KIF6: variants seen among roughly 807,000 people sequenced by gnomAD.
KIF6 encodes kinesin family member 6, also known as kinesin-like protein KIF6.
A neutral mutation model predicts 112.7 loss-of-function variants in KIF6; 106 were observed. That is an observed-to-expected ratio of 0.94 (90% CI 0.80 to 1.11). The LOEUF (loss-of-function observed/expected upper bound fraction) is 1.11, where lower values mean the gene tolerates loss of function less well. Ranked by LOEUF, KIF6 falls within the 50% of genes least tolerant of loss-of-function variation. The pLI is 0.00. For missense variants in KIF6, 929 were observed against 964.0 expected (o/e 0.96, Z 0.48); for synonymous variants, 339 against 339.9 (o/e 1.00, Z 0.03).
intron 18 of KIF6, 93 bp downstream of exon 18, chr6:39,360,302 G>T: frequency 7.0e-7 from 1 of 1,435,822 alleles, no homozygotes; most frequent in Non-Finnish European, 9.5e-7. Flanking sequence ...ATGGGGGCCT[G>T]TGGGTCAAAG....
intron 13 of KIF6, among the ~76,000 whole-genome samples, chr6:39,458,461 C>T (rs1297628019): frequency 1.6e-4 from 24 of 147,004 alleles, no homozygotes. Context: ...AAAACTGGCA[C>T]AAGACAGGGA....
At chr6:39,427,153 C>T (rs1323856348) in intron 14 of KIF6, among the ~76,000 whole-genome samples, 2 of 152,168 alleles carry the variant, frequency 1.3e-5, no homozygotes, top group Non-Finnish European at 1.5e-5. Flanking sequence ...GAATTTCACC[C>T]TAAGTCAACC....
intron 16 of KIF6, among the ~76,000 whole-genome samples, chr6:39,367,613 GACCTTA>G (rs1765666575): frequency 6.6e-6 from 1 of 152,092 alleles, no homozygotes; most frequent in Admixed American, 6.5e-5. Flanking sequence ...GTCCCAGGCT[GACCTTA>G]TCTCTGAAGT....
intron 15 of KIF6, among the ~76,000 whole-genome samples, chr6:39,413,024 A>G (rs1769604221): frequency 6.6e-6 from 1 of 152,072 alleles, no homozygotes; most frequent in Non-Finnish European, 1.5e-5. Context: ...ATGTATTAGG[A>G]ATTTAGCATG....
intron 3 of KIF6, among the ~76,000 whole-genome samples, chr6:39,710,469 GA>G (rs11371063): frequency 2.6e-4 from 37 of 140,016 alleles, no homozygotes; most frequent in African/African-American, 7.3e-4. Context: ...AAAGAAGACA[GA>G]AAAAAAAAAA....
chr6:39,340,026 C>T (rs977443533), intron 22 of KIF6, among the ~76,000 whole-genome samples: 12 of 152,252 alleles, frequency 7.9e-5, no homozygotes, highest in East Asian at 7.7e-4. Flanking sequence ...GCCTGGGCCC[C>T]GGCCTGTGTG....
chr6:39,583,521 T>G lies in KIF6; in HGVS notation c.1077+1377A>C, dbSNP rs963480949. 3.4e-5 allele frequency: 16 copies of G among 471,042 alleles called. No homozygotes were observed. The Admixed American group carries it at 3.8e-4, about 11-fold the overall frequency. 29.2% of individuals were successfully genotyped at this position (471,042 alleles called of 1,614,324 possible). ...ATAACAGACAGCCCCATTATTCCTTTGTCCTCCTTCCCCCTCTGTCCTTCC... is the reference window on the plus strand; with the variant it reads ...ATAACAGACAGCCCCATTATTCCTTGGTCCTCCTTCCCCCTCTGTCCTTCC... On this transcript the variant is annotated intron_variant, in intron 9 of 22. Transcript: ENST00000287152.
chr6:39,530,943 T>G (rs1212254320), intron 13 of KIF6, among the ~76,000 whole-genome samples: 1 of 152,196 alleles, frequency 6.6e-6, no homozygotes, highest in Non-Finnish European at 1.5e-5. Context: ...TCTTAAATAT[T>G]GTAATGAACT....
chr6:39,469,383 G>A (rs957491564), intron 13 of KIF6, among the ~76,000 whole-genome samples: 1 of 151,820 alleles, frequency 6.6e-6, no homozygotes, highest in Non-Finnish European at 1.5e-5. Flanking sequence ...TGTCACATGA[G>A]ATTTAAAAAA....
intron 3 of KIF6, among the ~76,000 whole-genome samples, chr6:39,650,933 C>T (rs1356126507): frequency 6.6e-6 from 1 of 151,122 alleles, no homozygotes. Flanking sequence ...TGTGAATTTA[C>T]AGGAAAAAAA....
chr6:39,407,367 A>C (rs990735825), intron 15 of KIF6, among the ~76,000 whole-genome samples: 1 of 152,098 alleles, frequency 6.6e-6, no homozygotes, highest in African/African-American at 2.4e-5. Flanking sequence ...ATGCCCCTTG[A>C]TGTCTTTTTG....
intron 21 of KIF6, among the ~76,000 whole-genome samples, chr6:39,344,250 T>C (rs911741249): frequency 6.6e-6 from 1 of 152,228 alleles, no homozygotes; most frequent in Non-Finnish European, 1.5e-5. Context: ...GCTGCCACCA[T>C]GTAAGACGTG....
rs61022277 is a variant in KIF6 at position 39,478,207 on chromosome 6, C to T, written c.1646-47046G>A. Among the ~76,000 whole-genome samples the T allele has an allele frequency of 6.8e-3, 1,034 of 151,930 alleles. 13 individuals carry two copies. Among genetic ancestry groups the T allele is most frequent in the African/African-American group, 0.024 (987 of 41,442 alleles). On this transcript the variant is annotated intron_variant, in intron 13 of 22. Transcript: ENST00000287152. ...ATCTGTTACCCCCCTTTCACCCTTT[C>T]CCCCAAGTCCCCAAAGTCCATTGTG...
chr6:39,620,879 C>T (rs1783778412), intron 5 of KIF6, among the ~76,000 whole-genome samples: 1 of 152,058 alleles, frequency 6.6e-6, no homozygotes, highest in Non-Finnish European at 1.5e-5. Flanking sequence ...AGCGATTCTC[C>T]TGCCTCAGTC....
At chr6:39,465,512 T>C (rs1773731857) in intron 13 of KIF6, among the ~76,000 whole-genome samples, 1 of 152,182 alleles carries the variant, frequency 6.6e-6, no homozygotes, top group Non-Finnish European at 1.5e-5. Flanking sequence ...AACACCACTG[T>C]CTTTGTTCAA....
intron 8 of KIF6, among the ~76,000 whole-genome samples, chr6:39,585,223 G>A (rs1201652156): frequency 2.0e-5 from 3 of 152,226 alleles, no homozygotes; most frequent in Non-Finnish European, 2.9e-5. Context: ...GACAGAGGGT[G>A]CAGGTGGTGT....
In KIF6 at chr6:39,723,351, A is replaced by G. The variant is rs35170313; in HGVS notation, c.66+1894T>C. 8.6e-3 allele frequency among the ~76,000 whole-genome samples: 1,315 copies of G among 152,334 alleles called. 13 individuals carry two copies. Among genetic ancestry groups the G allele is most frequent in the South Asian group, 0.027 (131 of 4,828 alleles). On this transcript the variant is annotated intron_variant, in intron 1 of 22. Transcript: ENST00000287152. ...ATGCCCACTCCATATACTCACAAATATGATCCAAATTGCCCTTGCCTAAAT... is the reference window on the plus strand; with the variant it reads ...ATGCCCACTCCATATACTCACAAATGTGATCCAAATTGCCCTTGCCTAAAT...
intron 13 of KIF6, among the ~76,000 whole-genome samples, chr6:39,537,749 G>A (rs777143808): frequency 4.1e-4 from 62 of 152,062 alleles, no homozygotes; most frequent in Admixed American, 2.6e-3. Flanking sequence ...AAAAGAGCCC[G>A]CATCACCAAG....
intron 4 of KIF6, among the ~76,000 whole-genome samples, chr6:39,638,950 T>G (rs1268013969): frequency 6.6e-6 from 1 of 151,938 alleles, no homozygotes; most frequent in Non-Finnish European, 1.5e-5. Context: ...AGACATCAGG[T>G]GGACTTGGGA....
Sources: allele counts gnomAD v4.1 joint callset (sites outside exome capture counted in the v4.1 genomes callset), GRCh38; gene constraint gnomAD v4.1.1; transcripts MANE v1.5; gene names NCBI Gene and HGNC (gene_info 2026-07-23, HGNC 2026-07-21).